The following COL3A1 variants were observed in gnomAD, a reference collection of about 807,000 sequenced individuals.
COL3A1 encodes collagen type III alpha 1 chain, also known as collagen alpha-1(III) chain.
In COL3A1, 46 loss-of-function variants were observed where a neutral mutation model predicts 200.9. The observed-to-expected ratio is 0.23, with a 90% CI of 0.18 to 0.29. COL3A1 has a LOEUF of 0.29. Ranked by LOEUF, COL3A1 falls within the 10% of genes least tolerant of loss-of-function variation. The probability of loss-of-function intolerance (pLI) is 1.00; values close to 1 mark genes in which losing one functional copy is unlikely to be tolerated. For synonymous variants in COL3A1, 650 were observed against 628.0 expected, an observed-to-expected ratio of 1.03 and a Z score of -0.52; for missense variants, 1,367 against 1,917.6, an observed-to-expected ratio of 0.71 and a Z score of 5.36.
intron 21 of COL3A1, 65 bp from the exon 22 acceptor site, chr2:188,995,627 A>T (rs1157524125): frequency 1.8e-6 from 2 of 1,130,488 alleles, no homozygotes; most frequent in African/African-American, 1.6e-5. Context: ...TGTAACCAAA[A>T]TATTGTTGCT....
intron 34 of COL3A1, 85 bp downstream of exon 34, chr2:189,001,674 C>T (rs1001616352): frequency 5.8e-5 from 81 of 1,405,698 alleles, no homozygotes; most frequent in Non-Finnish European, 7.5e-5. Flanking sequence ...CAGTTTTGCC[C>T]TCAGTTCCCT....
intron 4 of COL3A1, among the ~76,000 whole-genome samples, chr2:188,986,407 A>G (rs1688065195): frequency 6.6e-6 from 1 of 152,096 alleles, no homozygotes; most frequent in Non-Finnish European, 1.5e-5. Flanking sequence ...CATTTCAAAA[A>G]GCAATTCAAC....
intron 10 of COL3A1, 119 bp downstream of exon 10, chr2:188,990,479 A>G (rs966920278): frequency 1.1e-6 from 1 of 911,180 alleles, no homozygotes; most frequent in African/African-American, 1.7e-5. Flanking sequence ...AATTAATTTG[A>G]TATTTTTAAG....
chr2:188,989,605 C>T (rs1209707139), intron 8 of COL3A1, among the ~76,000 whole-genome samples, 156 bp downstream of exon 8: 3 of 152,058 alleles, frequency 2.0e-5, no homozygotes, highest in African/African-American at 2.4e-5. Flanking sequence ...TTTTGAGTAG[C>T]TATACAGTAT....
intron 16 of COL3A1, 72 bp from the exon 17 acceptor site, chr2:188,993,966 C>G: frequency 8.3e-6 from 12 of 1,449,628 alleles, no homozygotes; most frequent in Non-Finnish European, 1.2e-5. Context: ...TTTATTTTCA[C>G]ACAAACAACT....
chr2:188,985,587 T>C (rs1470789435), intron 3 of COL3A1, 78 bp from the exon 4 acceptor site: 1 of 898,100 alleles, frequency 1.1e-6, no homozygotes, highest in African/African-American at 1.7e-5. Context: ...TATTATAAAG[T>C]AGAGAAACAA....
chr2:188,979,314 T>C (rs1039301147), intron 1 of COL3A1, among the ~76,000 whole-genome samples: 1 of 151,964 alleles, frequency 6.6e-6, no homozygotes, highest in African/African-American at 2.4e-5. Context: ...AACGTTCCAG[T>C]TTCATTCAGT....
Position 189,007,947 on chromosome 2 carries a change from C to T in COL3A1, c.3417+9C>T. On this transcript the variant is annotated intron_variant, in intron 46 of 50. Coordinates refer to ENST00000304636, the MANE Select transcript of COL3A1 (RefSeq NM_000090.4). ...GACCTGCAGGCCCCAGAGTAAGTAG[C>T]ACAGAAAGATATTACAGGTCCACAT... The T allele has an allele frequency of 1.4e-5, 23 of 1,614,108 alleles. No individual in the cohort carries two copies. The highest frequency in any genetic ancestry group is 1.9e-5 in the Non-Finnish European group (23 of 1,180,022).
intron 45 of COL3A1, 70 bp from the exon 46 acceptor site, chr2:189,007,815 G>T: frequency 6.4e-7 from 1 of 1,556,252 alleles, no homozygotes; most frequent in South Asian, 1.1e-5. Context: ...TTCTTGATCT[G>T]ATCTTGAATG....
intron 14 of COL3A1, 31 bp from the exon 15 acceptor site, chr2:188,992,856 G>C: frequency 6.2e-7 from 1 of 1,601,634 alleles, no homozygotes; most frequent in East Asian, 2.2e-5. Context: ...AGTTGAAAAA[G>C]AGCTCTTGAA....
chr2:188,990,901 T>A, intron 10 of COL3A1, 103 bp from the exon 11 acceptor site: 1 of 1,105,620 alleles, frequency 9.0e-7, no homozygotes, highest in Non-Finnish European at 1.4e-6. Context: ...ATTTTGCAAG[T>A]AGTGTTATGA....
intron 10 of COL3A1, among the ~76,000 whole-genome samples, chr2:188,990,579 C>T (rs181112114): frequency 2.0e-5 from 3 of 152,174 alleles, no homozygotes; most frequent in East Asian, 3.9e-4. Context: ...TGAAAAATAT[C>T]GTTTTCTTAC....
In COL3A1 at chr2:189,004,132, C is replaced by A. The variant is rs1688533258; in HGVS notation, c.2812C>A (p.Gln938Lys). Reference sequence around the variant, plus strand: ...AGGAGAGAAGGGATCGCCTGGTGCCCAGGGCCCACCAGTAAGTAACTTCAT... The same window carrying A: ...AGGAGAGAAGGGATCGCCTGGTGCCAAGGGCCCACCAGTAAGTAACTTCAT... ...QPGEKGSPGA[Q>K]GPPGAPGPLG... Residue 938 changes from glutamine to lysine, a missense_variant, in exon 39 of 51, where the codon CAG (glutamine) becomes AAG (lysine). Physicochemically the swap from Gln to Lys is moderately conservative, Grantham distance 53. Transcript: ENST00000304636. 6.2e-7 allele frequency: 1 copy of A among 1,613,826 alleles called. No homozygotes were observed. The highest frequency in any genetic ancestry group is 8.5e-7 in the Non-Finnish European group (1 of 1,180,022).
Position 188,989,992 on chromosome 2 carries a change from A to T in COL3A1, c.691-104A>T, listed in dbSNP as rs1397153109. 1.5e-5 allele frequency: 16 copies of T among 1,051,066 alleles called. No homozygotes were observed. The East Asian group carries it at 3.3e-4, about 22-fold the overall frequency. The allele number at this position is 1,051,066 out of a possible 1,614,324, so 65.1% of individuals were successfully genotyped here. On this transcript the variant is annotated intron_variant, in intron 8 of 50. Coordinates refer to ENST00000304636, the MANE Select transcript of COL3A1 (RefSeq NM_000090.4). Reference sequence around the variant, plus strand: ...ACTATACATTTTGTGGAACCATTTTAATGAGTCCTTTGTGAGAAAAATGCA... The same window carrying T: ...ACTATACATTTTGTGGAACCATTTTTATGAGTCCTTTGTGAGAAAAATGCA...
At chr2:188,998,458 G>C in intron 28 of COL3A1, 139 bp downstream of exon 28, 1 of 948,480 alleles carries the variant, frequency 1.1e-6, no homozygotes, top group Non-Finnish European at 1.6e-6. Flanking sequence ...TCAAAACAAA[G>C]ACAAATTATT....
intron 40 of COL3A1, 135 bp from the exon 41 acceptor site, chr2:189,005,215 G>A (rs995473998): frequency 8.5e-6 from 7 of 820,410 alleles, no homozygotes; most frequent in Non-Finnish European, 1.4e-5. Context: ...CCCATAGCAG[G>A]CATAGTTTTA....
intron 1 of COL3A1, among the ~76,000 whole-genome samples, chr2:188,982,957 C>T (rs895254983): frequency 7.1e-6 from 1 of 141,144 alleles, no homozygotes; most frequent in Admixed American, 7.1e-5. Flanking sequence ...TGCATAGACT[C>T]ACCTGTTATT....
chr2:189,011,505 T>C, intron 50 of COL3A1, 123 bp from the exon 51 acceptor site: 1 of 1,102,202 alleles, frequency 9.1e-7, no homozygotes, highest in Admixed American at 1.9e-5. Context: ...CTCATATACA[T>C]GAATAATAAC....
rs1688732588 is a variant in COL3A1 at position 189,011,747 on chromosome 2, G to A, written c.4374G>A (p.Val1458=). 1 of 1,613,792 alleles carries A rather than the reference G, an allele frequency of 6.2e-7. No individual in the cohort carries two copies. Among genetic ancestry groups the A allele is most frequent in the Non-Finnish European group, 8.5e-7 (1 of 1,179,884 alleles). Residue 1458 remains valine, a synonymous_variant, in exon 51 of 51, where the codon GTG becomes GTA. Transcript: ENST00000304636. ...DIGGPDQEFG[V]DVGPVCFL The stretch of plus-strand genomic sequence containing the variant: ...GTGGTCCTGATCAAGAATTTGGTGT[G>A]GACGTTGGCCCTGTTTGCTTTTTAT...
Sources: gnomAD v4.1 joint callset for allele counts (sites outside exome capture counted in the v4.1 genomes callset) on GRCh38, gnomAD v4.1.1 for gene constraint, MANE v1.5 for transcripts, NCBI Gene and HGNC (gene_info 2026-07-23, HGNC 2026-07-21) for gene names.